ITFG2: variants seen among roughly 807,000 people sequenced by gnomAD.
The protein encoded by ITFG2 is integrin alpha FG-GAP repeat containing 2.
A neutral mutation model predicts 54.4 loss-of-function variants in ITFG2; 36 were observed. The ratio of observed to expected loss-of-function variants is 0.66; its 90% CI spans 0.51 to 0.87. The LOEUF (loss-of-function observed/expected upper bound fraction) is 0.87. Ranked by LOEUF, ITFG2 falls within the 40% of genes least tolerant of loss-of-function variation. ITFG2 has a pLI of 0.00. For missense variants in ITFG2, 524 were observed against 576.7 expected (o/e 0.91, Z 0.94); for synonymous variants, 211 against 225.4 (o/e 0.94, Z 0.57).
At chr12:2,858,567 GCTTGGGGTGCACTGAGC>G in intron 3 of ITFG2, 1 of 1,361,446 alleles carries the variant, frequency 7.3e-7, no homozygotes, top group East Asian at 2.3e-5. Flanking sequence ...TCACTCAGAG[GCTTGGGGTGCACTGAGC>G]CTTGGAGTGC....
In ITFG2 at chr12:2,812,866, T is replaced by C. The variant is rs374716504; in HGVS notation, c.96+10T>C. ...CGTTGATAACGATACGGTAGGTGCA[T>C]GCGCACCGCAAGAGACAGCCTGGAT... is the stretch of plus-strand genomic sequence containing the variant. On this transcript the variant is annotated intron_variant, in intron 1 of 11. Coordinates refer to ENST00000228799, the MANE Select transcript of ITFG2 (RefSeq NM_018463.4). The C allele has an allele frequency of 2.8e-5, 44 of 1,599,958 alleles. No individual in the cohort carries two copies. The highest frequency in any genetic ancestry group is 3.5e-5 in the Non-Finnish European group (41 of 1,169,578).
chr12:2,825,134 G>A (rs10848709), downstream of ITFG2: 22,674 of 152,232 alleles, frequency 0.15, 1,800 homozygotes, highest in South Asian at 0.3. Context: ...TGTGTGTACT[G>A]AGTGCCATGT....
At chr12:2,820,635 C>T (rs2097940563) in intron 5 of ITFG2, 89 bp from the exon 6 acceptor site, 1 of 265,190 alleles carries the variant, frequency 3.8e-6, no homozygotes, top group African/African-American at 2.2e-5. Flanking sequence ...CCTGCCCCCG[C>T]CCCCGCCCAC....
chr12:2,834,281 A>G (rs1352156121), upstream of ITFG2, among the ~76,000 whole-genome samples: 1 of 152,028 alleles, frequency 6.6e-6, no homozygotes, highest in African/African-American at 2.4e-5. Flanking sequence ...GGAAGTCACA[A>G]CCCTAAACTG....
At chr12:2,854,419 G>A (rs372101873) in intron 2 of ITFG2, among the ~76,000 whole-genome samples, 28 of 152,282 alleles carry the variant, frequency 1.8e-4, no homozygotes, top group African/African-American at 5.8e-4. Context: ...CCCCTTCATC[G>A]GTGAGGGAGC....
chr12:2,829,607 C>T (rs2097989692), downstream of ITFG2, among the ~76,000 whole-genome samples: 1 of 151,638 alleles, frequency 6.6e-6, no homozygotes, highest in Admixed American at 6.6e-5. Context: ...TCTAAAAATA[C>T]AAAAAAAGAA....
rs999694909 is a variant in ITFG2 at position 2,824,639 on chromosome 12, G to C, written c.*446G>C. On this transcript the variant is annotated 3_prime_UTR_variant, in exon 12 of 12. Transcript: ENST00000228799. ...CGTGGCACAATTCCAAGTTCTTGAC[G>C]TTAGTAATTGTTAAAGGAATGGCAA... 2 of 195,114 alleles carry C rather than the reference G, an allele frequency of 1.0e-5. No homozygotes were observed. The highest frequency in any genetic ancestry group is 2.1e-5 in the Non-Finnish European group (2 of 93,542). The allele number at this position is 195,114 out of a possible 1,614,324, so 12.1% of individuals were successfully genotyped here.
In ITFG2 at chr12:2,822,852, A is replaced by G. The variant is rs775183538; in HGVS notation, c.1007A>G (p.Asp336Gly). The G allele has an allele frequency of 4.3e-6, 7 of 1,614,190 alleles. 1 individual carries two copies. The South Asian group carries it at 6.6e-5, about 15-fold the overall frequency. Residue 336 changes from aspartate to glycine, a missense_variant, in exon 10 of 12, where the codon GAT becomes GGT. Transcript: ENST00000228799. ...CAWDGQTYIIDHNRTVVRFQV... is the reference protein window; with the variant it reads ...CAWDGQTYIIGHNRTVVRFQV... ...TGGGATGGACAGACATATATCATTG[A>G]TCACAACCGCACCGTCGTCCGCTTC...
At chr12:2,856,644 T>C (rs958664662) in intron 2 of ITFG2, among the ~76,000 whole-genome samples, 2 of 152,204 alleles carry the variant, frequency 1.3e-5, no homozygotes, top group African/African-American at 4.8e-5. Flanking sequence ...ATTGCAGGCG[T>C]GAGCCACTGT....
chr12:2,843,937 C>T (rs1368207751), intron 2 of ITFG2, among the ~76,000 whole-genome samples: 4 of 148,446 alleles, frequency 2.7e-5, no homozygotes, highest in African/African-American at 5.0e-5. Context: ...AGAGTTGGTG[C>T]GAAGTTTGAA....
chr12:2,824,920 G>A lies in ITFG2; in HGVS notation c.*727G>A, dbSNP rs2097959288. ...GGGTTTATGATCCAGACCACAATCA[G>A]AATTATATCTTGGGTCATTTATGTG... On this transcript the variant is annotated 3_prime_UTR_variant, in exon 12 of 12. Transcript: ENST00000228799. 6.6e-6 allele frequency: 1 copy of A among 152,332 alleles called. No individual in the cohort carries two copies. Among genetic ancestry groups the A allele is most frequent in the African/African-American group, 2.4e-5 (1 of 41,412 alleles). 9.4% of individuals were successfully genotyped at this position (152,332 alleles called of 1,614,324 possible).
intron 4 of ITFG2, among the ~76,000 whole-genome samples, chr12:2,818,831 C>T (rs987979144): frequency 6.6e-6 from 1 of 151,418 alleles, no homozygotes; most frequent in Non-Finnish European, 1.5e-5. Flanking sequence ...CAGCCTGGCC[C>T]ACACGGTGAA....
At chr12:2,824,053 A>AC (rs1396739305) in intron 11 of ITFG2, 37 bp from the exon 12 acceptor site, 4 of 1,613,378 alleles carry the variant, frequency 2.5e-6, no homozygotes, top group Non-Finnish European at 3.4e-6. Flanking sequence ...TGCCCAGGAG[A>AC]CCCACAGCCT....
At chr12:2,837,498 A>G (rs993891397) in intron 1 of ITFG2, among the ~76,000 whole-genome samples, 9 of 151,120 alleles carry the variant, frequency 6.0e-5, no homozygotes, top group African/African-American at 2.2e-4. Flanking sequence ...TTAGCTGGGC[A>G]TGGTGGCACA....
At chr12:2,822,222 G>A (rs927663480) in intron 9 of ITFG2, among the ~76,000 whole-genome samples, 5 of 152,148 alleles carry the variant, frequency 3.3e-5, no homozygotes, top group Non-Finnish European at 5.9e-5. Context: ...GTGCCTGGCC[G>A]TAAGTCTCTT....
intron 2 of ITFG2, among the ~76,000 whole-genome samples, chr12:2,851,652 GTTTTATTTTAA>G (rs567650234): frequency 4.3e-4 from 63 of 148,066 alleles, no homozygotes; most frequent in Non-Finnish European, 7.8e-4. Context: ...CGCTAAATTT[GTTTTATTTTAA>G]TTTTATTTAT....
intron 2 of ITFG2, among the ~76,000 whole-genome samples, chr12:2,854,111 C>T (rs539222575): frequency 1.5e-4 from 23 of 152,294 alleles, no homozygotes; most frequent in African/African-American, 4.1e-4. Context: ...CTGCAACCTC[C>T]GCCTCCCAGG....
intron 2 of ITFG2, chr12:2,849,261 C>T (rs1158313783): frequency 9.1e-6 from 14 of 1,536,098 alleles, no homozygotes; most frequent in Non-Finnish European, 1.2e-5. Flanking sequence ...TCTTCCTCTT[C>T]CTTGCTGGGG....
At chr12:2,827,235 A>G, downstream of ITFG2, 1 of 1,614,166 alleles carries the variant, frequency 6.2e-7, no homozygotes, top group South Asian at 1.1e-5. The surrounding 1 kb of genome is among the most constrained non-coding windows in gnomAD (Gnocchi z 4.0). Context: ...GTACAAAGGC[A>G]GGAAGGGTAG....
Sources: gnomAD v4.1 joint callset for allele counts (sites outside exome capture counted in the v4.1 genomes callset) on GRCh38, gnomAD v4.1.1 for gene constraint, Gnocchi (gnomAD v3.1) non-coding constraint, MANE v1.5 for transcripts, NCBI Gene and HGNC (gene_info 2026-07-23, HGNC 2026-07-21) for gene names.